The following PDLIM7 variants were observed in gnomAD, a reference collection of about 807,000 sequenced individuals.
The protein encoded by PDLIM7 is PDZ and LIM domain protein 7.
In PDLIM7, 37 loss-of-function variants were observed where a neutral mutation model predicts 53.9. That is an observed-to-expected ratio of 0.69 (90% CI 0.53 to 0.90). PDLIM7 has a LOEUF of 0.90. Ranked by LOEUF, PDLIM7 falls within the 40% of genes least tolerant of loss-of-function variation. The pLI, the probability that PDLIM7 is intolerant of heterozygous loss-of-function variation, is 0.00. For synonymous variants in PDLIM7, 300 were observed against 261.3 expected (o/e 1.15, Z -1.43); for missense variants, 617 against 638.5 (o/e 0.97, Z 0.36).
chr5:177,496,627 C>T, intron 1 of PDLIM7, 104 bp from the exon 2 acceptor site: 5 of 685,572 alleles, frequency 7.3e-6, no homozygotes, highest in South Asian at 2.3e-5. Flanking sequence ...CAGGCAGGCA[C>T]GGGCAGCCCC....
intron 9 of PDLIM7, among the ~76,000 whole-genome samples, chr5:177,488,717 C>G (rs1758584465): frequency 6.6e-6 from 1 of 152,182 alleles, no homozygotes; most frequent in Admixed American, 6.5e-5. Flanking sequence ...ATGGTAAAAC[C>G]CCGTCTCTAC....
chr5:177,494,269 C>T (rs1405993618), intron 2 of PDLIM7, among the ~76,000 whole-genome samples: 1 of 152,202 alleles, frequency 6.6e-6, no homozygotes, highest in Non-Finnish European at 1.5e-5. Flanking sequence ...CCTAAGGCTC[C>T]ACCACTGTGG....
chr5:177,490,651 C>A, intron 7 of PDLIM7: 1 of 1,153,928 alleles, frequency 8.7e-7, no homozygotes. Context: ...GGAAGGGAGG[C>A]AGGGAGGGAG....
Position 177,490,757 on chromosome 5 carries a change from GGA to G in PDLIM7, c.572+111_572+112del, listed in dbSNP as rs1561703152. ...AGGAAGGAAGGAAGGAAGGAAGGAA[GGA>G]AGGAAGGGAGAATTGAGAGCCCCAG... On this transcript the variant is annotated intron_variant, in intron 7 of 12. Coordinates refer to ENST00000355841, the MANE Select transcript of PDLIM7 (RefSeq NM_005451.5). The G allele has an allele frequency of 9.0e-4, 925 of 1,022,174 alleles. 10 individuals are homozygous for G. Among genetic ancestry groups the G allele is most frequent in the Admixed American group, 1.9e-3 (105 of 55,556 alleles). 63.3% of individuals were successfully genotyped at this position (1,022,174 alleles called of 1,614,324 possible). A position where few individuals can be genotyped will look rare whatever the true frequency, so the allele number is the denominator to read the frequency against.
intron 2 of PDLIM7, among the ~76,000 whole-genome samples, chr5:177,494,780 G>A (rs1228524189): frequency 6.6e-6 from 1 of 152,088 alleles, no homozygotes; most frequent in South Asian, 2.1e-4. Context: ...ATGAGGTGGG[G>A]GTGAGTCAGC....
intron 9 of PDLIM7, among the ~76,000 whole-genome samples, chr5:177,489,112 T>C (rs575462698): frequency 6.6e-6 from 1 of 152,330 alleles, no homozygotes; most frequent in South Asian, 2.1e-4. Flanking sequence ...AGGCCCCTCT[T>C]TGCCCAGAGA....
intron 10 of PDLIM7, among the ~76,000 whole-genome samples, chr5:177,486,394 G>A (rs1315045758): frequency 6.6e-6 from 1 of 152,096 alleles, no homozygotes; most frequent in African/African-American, 2.4e-5. Context: ...CTAGCATAGT[G>A]CCACCCTTCT....
chr5:177,490,031 G>C (rs1468339613), intron 7 of PDLIM7, 199 bp from the exon 8 acceptor site: 1 of 1,533,700 alleles, frequency 6.5e-7, no homozygotes. Flanking sequence ...GCGGTCTCTA[G>C]CTGGGAGACG....
intron 7 of PDLIM7, chr5:177,490,048 G>A: frequency 6.5e-7 from 1 of 1,532,456 alleles, no homozygotes; most frequent in Non-Finnish European, 8.7e-7. Context: ...GACGAGGCAG[G>A]GCTCCCGCTT....
chr5:177,491,001 G>A lies in PDLIM7; in HGVS notation c.535+9C>T, dbSNP rs769081525. ...AGGAAAGTACCCCCTGCCCTGGGCT[G>A]GCACTTACTGAACTCGGTGCCTGTG... On this transcript the variant is annotated intron_variant, in intron 6 of 12. Transcript: ENST00000355841. 3.7e-6 allele frequency: 6 copies of A among 1,613,676 alleles called. No individual in the cohort carries two copies. The highest frequency in any genetic ancestry group is 8.5e-7 in the Non-Finnish European group (1 of 1,179,842).
Position 177,488,248 on chromosome 5 carries a change from C to A in PDLIM7, c.870G>T (p.Arg290=). The A allele has an allele frequency of 6.3e-7, 1 of 1,597,942 alleles. No individual in the cohort carries two copies. The highest frequency in any genetic ancestry group is 1.3e-5 in the African/African-American group (1 of 74,592). The part of the protein sequence containing the change: ...PVCHQCHKVI[R]GRYLVALGHA... ...GGCCCAGCGCCACCAGGTAGCGGCC[C>A]CTGCAGGGAGGCGAGAGCGGTCAGA... Residue 290 remains arginine, a splice_region_variant and synonymous_variant, in exon 10 of 13, where the codon CGG becomes CGT. Coordinates refer to ENST00000355841, the MANE Select transcript of PDLIM7 (RefSeq NM_005451.5).
intron 10 of PDLIM7, among the ~76,000 whole-genome samples, chr5:177,486,700 G>A (rs753594184): frequency 9.2e-5 from 14 of 151,970 alleles, no homozygotes; most frequent in African/African-American, 2.4e-4. Context: ...GTGCAGTGGC[G>A]CGATCTCGGC....
In PDLIM7 at chr5:177,496,421, G is replaced by A; in HGVS notation, c.92C>T (p.Ser31Phe). The change falls in exon 2 of 13, where the codon TCC (serine) becomes TTC (phenylalanine). Residue 31 changes from serine (S) to phenylalanine (F), a missense_variant. Coordinates refer to ENST00000355841, the MANE Select transcript of PDLIM7 (RefSeq NM_005451.5). Reference sequence around the variant, plus strand: ...CCTCCCCAAACCTAGGCTCACCCGGGAAATGGAGAGGGGCACATTGAAGTC... The same window carrying A: ...CCTCCCCAAACCTAGGCTCACCCGGAAAATGGAGAGGGGCACATTGAAGTC... ...GKDFNVPLSI[S>F]RLTPGGKAAQ... 6.3e-7 allele frequency: 1 copy of A among 1,592,782 alleles called. No individual in the cohort carries two copies. Among genetic ancestry groups the A allele is most frequent in the Non-Finnish European group, 8.6e-7 (1 of 1,169,420 alleles).
chr5:177,492,369 C>A, intron 4 of PDLIM7, 36 bp downstream of exon 4: 3 of 1,609,994 alleles, frequency 1.9e-6, no homozygotes, highest in Non-Finnish European at 1.7e-6. Flanking sequence ...CAAGCCCACA[C>A]CGCCCACCGC....
rs552004292 is a variant in PDLIM7 at position 177,488,845 on chromosome 5, G to A, written c.869+548C>T. Among the ~76,000 whole-genome samples, 6 of 151,826 alleles carry A rather than the reference G, an allele frequency of 4.0e-5. No individual in the cohort carries two copies. In the East Asian group the frequency reaches 5.8e-4, roughly 15 times the overall value. ...GCAGAGGTTGCAGTGAGCCGAGATC[G>A]CGCCACTGCACGCCAACGTGGGCAA... On this transcript the variant is annotated intron_variant, in intron 9 of 12. Transcript: ENST00000355841.
intron 10 of PDLIM7, among the ~76,000 whole-genome samples, chr5:177,487,004 G>T (rs1330583364): frequency 8.5e-6 from 1 of 118,326 alleles, no homozygotes; most frequent in Non-Finnish European, 1.6e-5. Flanking sequence ...GCACAATCTT[G>T]GCTCACTGCA....
chr5:177,489,433 CGTT>C lies in PDLIM7; in HGVS notation c.826_828del (p.Asn276del), dbSNP rs1561701548. On this transcript the variant is annotated inframe_deletion, in exon 9 of 13. Transcript: ENST00000355841. The stretch of plus-strand genomic sequence containing the variant: ...CACTGGTGACACACGGGAGTCTTGC[CGTT>C]GTTGCTGCCCCCTCCTGGCACCCCT... The C allele has an allele frequency of 6.2e-7, 1 of 1,601,166 alleles. No homozygotes were observed. The highest frequency in any genetic ancestry group is 8.5e-7 in the Non-Finnish European group (1 of 1,174,392).
At chr5:177,492,225 G>T in intron 4 of PDLIM7, 180 bp downstream of exon 4, 1 of 735,478 alleles carries the variant, frequency 1.4e-6, no homozygotes, top group Non-Finnish European at 2.2e-6. Context: ...CATGCGTGGT[G>T]CCAGGACCGT....
chr5:177,495,097 A>G (rs1468693192), intron 2 of PDLIM7: 1 of 152,464 alleles, frequency 6.6e-6, no homozygotes, highest in East Asian at 1.9e-4. Context: ...CAGGCTCCCC[A>G]GACACACTGG....
Sources: gnomAD v4.1 joint callset for allele counts (sites outside exome capture counted in the v4.1 genomes callset) on GRCh38, gnomAD v4.1.1 for gene constraint, MANE v1.5 for transcripts, NCBI Gene and HGNC (gene_info 2026-07-23, HGNC 2026-07-21) for gene names.